The following LRRC28 variants were observed in gnomAD, a reference collection of about 807,000 sequenced individuals.
The protein encoded by LRRC28 is leucine-rich repeat-containing protein 28.
In LRRC28, 39 loss-of-function variants were observed where a neutral mutation model predicts 45.7. That is an observed-to-expected ratio of 0.85 (90% CI 0.66 to 1.12). The LOEUF (loss-of-function observed/expected upper bound fraction) is 1.12. LRRC28 is among the 50% of genes most tolerant of loss of function. The pLI, the probability that LRRC28 is intolerant of heterozygous loss-of-function variation, is 0.00. For synonymous variants in LRRC28, 206 were observed against 178.8 expected (o/e 1.15, Z -1.22); for missense variants, 435 against 438.5 (o/e 0.99, Z 0.07).
At chr15:99,384,051 G>C (rs1375415902) in intron 9 of LRRC28, among the ~76,000 whole-genome samples, 1 of 152,118 alleles carries the variant, frequency 6.6e-6, no homozygotes, top group Non-Finnish European at 1.5e-5. Flanking sequence ...AATATAATTT[G>C]ACAAGATCCT....
intron 1 of LRRC28, among the ~76,000 whole-genome samples, chr15:99,253,533 G>A (rs954779114): frequency 2.0e-5 from 3 of 152,232 alleles, no homozygotes; most frequent in African/African-American, 7.2e-5. Flanking sequence ...GATTGGAAAA[G>A]CCCAGAAGCT....
intron 7 of LRRC28, among the ~76,000 whole-genome samples, chr15:99,357,433 A>C (rs1189676971): frequency 6.6e-6 from 1 of 152,268 alleles, no homozygotes; most frequent in Non-Finnish European, 1.5e-5. Flanking sequence ...CAGTACACAA[A>C]GCAACATGGA....
At chr15:99,335,770 A>G (rs1956302531) in intron 6 of LRRC28, among the ~76,000 whole-genome samples, 1 of 151,912 alleles carries the variant, frequency 6.6e-6, no homozygotes, top group South Asian at 2.1e-4. Flanking sequence ...TGTGACCTAC[A>G]CCAGTGCCAA....
chr15:99,261,775 A>G (rs1245184920), intron 2 of LRRC28, among the ~76,000 whole-genome samples: 1 of 151,898 alleles, frequency 6.6e-6, no homozygotes, highest in Non-Finnish European at 1.5e-5. Flanking sequence ...CTCCTGCCTC[A>G]GCCTCCCGAG....
intron 5 of LRRC28, among the ~76,000 whole-genome samples, chr15:99,298,222 A>G (rs562259242): frequency 6.6e-6 from 1 of 152,322 alleles, no homozygotes; most frequent in Admixed American, 6.5e-5. Context: ...CACATGCAGT[A>G]CTTCTTATAG....
chr15:99,347,359 G>GC (rs1386596451), intron 6 of LRRC28, among the ~76,000 whole-genome samples: 3 of 152,018 alleles, frequency 2.0e-5, no homozygotes, highest in South Asian at 2.1e-4. Context: ...ACAGGTGCCC[G>GC]CACCATGCCT....
At chr15:99,251,689 C>T (rs1417666378) in intron 1 of LRRC28, 148 bp downstream of exon 1, 1 of 152,250 alleles carries the variant, frequency 6.6e-6, no homozygotes, top group Non-Finnish European at 1.5e-5. Context: ...CTCGGGTGGC[C>T]ACAGCTGCCG....
intron 5 of LRRC28, among the ~76,000 whole-genome samples, chr15:99,292,854 T>C (rs1213585894): frequency 6.6e-6 from 1 of 152,190 alleles, no homozygotes; most frequent in East Asian, 1.9e-4. Flanking sequence ...CACTCTGGAG[T>C]TGATTTACAT....
chr15:99,355,347 T>G (rs900994153), intron 7 of LRRC28: 8 of 152,212 alleles, frequency 5.3e-5, no homozygotes, highest in Admixed American at 4.6e-4. Flanking sequence ...AACTGTGTTT[T>G]ATAACCTAGC....
Position 99,382,166 on chromosome 15 carries a change from C to T in LRRC28, c.1032-3864C>T, listed in dbSNP as rs182688753. Among the ~76,000 whole-genome samples, 48 of 152,350 alleles carry T rather than the reference C, an allele frequency of 3.2e-4. No individual in the cohort carries two copies. In the East Asian group the frequency reaches 3.5e-3, roughly 11 times the overall value. ...GAGGTAGGCAGGCCTCCTTGAGCTG[C>T]GGTGGGCTCCACCCAGTTCGAGCTT... On this transcript the variant is annotated intron_variant, in intron 9 of 9. Transcript: ENST00000301981.
At chr15:99,258,765 A>G in intron 2 of LRRC28, 1 of 696,398 alleles carries the variant, frequency 1.4e-6, no homozygotes, top group Non-Finnish European at 2.7e-6. Context: ...GTTACCTTCA[A>G]ATCAATTTTA....
intron 9 of LRRC28, among the ~76,000 whole-genome samples, chr15:99,378,948 T>C (rs983230376): frequency 9.2e-5 from 14 of 152,082 alleles, no homozygotes; most frequent in Admixed American, 9.2e-4. Context: ...TTCCCAGTAT[T>C]TTATTGAGGA....
chr15:99,340,742 A>G (rs8042667), intron 6 of LRRC28, among the ~76,000 whole-genome samples: 60,472 of 152,034 alleles, frequency 0.4, 12,764 homozygotes, highest in African/African-American at 0.55. Context: ...AGAAGGTATG[A>G]AAGGTGTGAT....
intron 5 of LRRC28, chr15:99,332,017 G>A (rs888010428): frequency 6.6e-6 from 1 of 152,116 alleles, no homozygotes; most frequent in African/African-American, 2.4e-5. Flanking sequence ...GTCTTGACAC[G>A]GGCTGTGGTA....
chr15:99,376,903 C>T (rs542419833), intron 9 of LRRC28, among the ~76,000 whole-genome samples: 1 of 152,296 alleles, frequency 6.6e-6, no homozygotes, highest in African/African-American at 2.4e-5. Flanking sequence ...CAGAGTATTC[C>T]ATGGTGTATA....
intron 3 of LRRC28, among the ~76,000 whole-genome samples, chr15:99,277,355 A>G (rs1371718001): frequency 6.6e-6 from 1 of 152,146 alleles, no homozygotes; most frequent in African/African-American, 2.4e-5. Flanking sequence ...AGTTGAAAAC[A>G]TAGAAAGAAC....
At chr15:99,345,626 G>A (rs779266595) in intron 6 of LRRC28, among the ~76,000 whole-genome samples, 1 of 152,028 alleles carries the variant, frequency 6.6e-6, no homozygotes, top group Non-Finnish European at 1.5e-5. Context: ...TTATGCAAGT[G>A]GATTCTGGTA....
chr15:99,342,531 T>A (rs966289183), intron 6 of LRRC28, among the ~76,000 whole-genome samples: 2 of 152,190 alleles, frequency 1.3e-5, no homozygotes, highest in African/African-American at 4.8e-5. Context: ...AAAACACATA[T>A]CACTTACAAA....
chr15:99,262,267 G>A (rs1053582411), intron 2 of LRRC28, among the ~76,000 whole-genome samples: 4 of 151,912 alleles, frequency 2.6e-5, no homozygotes, highest in African/African-American at 7.3e-5. Context: ...TGGTCTAAAG[G>A]GTAGACATGT....
Sources: gnomAD v4.1 joint callset for allele counts (sites outside exome capture counted in the v4.1 genomes callset) on GRCh38, gnomAD v4.1.1 for gene constraint, MANE v1.5 for transcripts, NCBI Gene and HGNC (gene_info 2026-07-23, HGNC 2026-07-21) for gene names.